Variants in RYR3 observed in about 807,000 individuals in gnomAD.
The protein encoded by RYR3 is ryanodine receptor 3.
RYR3 carries 207 observed loss-of-function variants against 584.3 expected under a neutral mutation model. The observed-to-expected ratio is 0.35, with a 90% CI of 0.32 to 0.40. RYR3 has a LOEUF of 0.40. Among genes scored for constraint, RYR3 ranks in the 10% least tolerant of loss-of-function variants. The pLI is 1.00. For missense variants in RYR3, 5,616 were observed against 6,089.2 expected (o/e 0.92, Z 2.59); for synonymous variants, 2,416 against 2,248.5 (o/e 1.07, Z -2.11).
At chr15:33,787,657 T>C (rs1042261912) in intron 66 of RYR3, among the ~76,000 whole-genome samples, 4 of 152,216 alleles carry the variant, frequency 2.6e-5, no homozygotes, top group South Asian at 2.1e-4. Context: ...ACCAGACTTA[T>C]ATCCCTCCCT....
At chr15:33,848,522 CTT>C (rs2078871700) in intron 94 of RYR3, 101 bp downstream of exon 94, 2 of 1,375,488 alleles carry the variant, frequency 1.5e-6, no homozygotes, top group Non-Finnish European at 2.0e-6. Flanking sequence ...TATAAACTGT[CTT>C]TTGATTTCTA....
At chr15:33,474,656 A>G (rs113316955) in intron 2 of RYR3, among the ~76,000 whole-genome samples, 5 of 152,246 alleles carry the variant, frequency 3.3e-5, no homozygotes, top group African/African-American at 1.2e-4. Context: ...CCACCATCAC[A>G]CCCTCTAAGC....
intron 74 of RYR3, among the ~76,000 whole-genome samples, chr15:33,814,931 G>A (rs1445400919): frequency 6.8e-6 from 1 of 147,534 alleles, no homozygotes; most frequent in African/African-American, 2.5e-5. Flanking sequence ...TCAGCCAGGT[G>A]TGGTGGCAGG....
At chr15:33,405,959 A>T (rs1421500652) in intron 1 of RYR3, among the ~76,000 whole-genome samples, 1 of 152,080 alleles carries the variant, frequency 6.6e-6, no homozygotes, top group African/African-American at 2.4e-5. Flanking sequence ...AGAATGTGTC[A>T]CTCCCTTCTC....
Position 33,429,140 on chromosome 15 carries a change from A to G in RYR3, c.52-44279A>G, listed in dbSNP as rs577949583. Among the ~76,000 whole-genome samples, 9 of 152,284 alleles carry G rather than the reference A, an allele frequency of 5.9e-5. No homozygotes were observed. The East Asian group carries it at 1.7e-3, about 29-fold the overall frequency. Reference sequence around the variant, plus strand: ...ATACTCCCTTAGAATAATCGTGGAAACATGATGCAGGAGGCCTGGGAGGGA... The same window carrying G: ...ATACTCCCTTAGAATAATCGTGGAAGCATGATGCAGGAGGCCTGGGAGGGA... On this transcript the variant is annotated intron_variant, in intron 1 of 103. Transcript: ENST00000634891.
intron 48 of RYR3, among the ~76,000 whole-genome samples, chr15:33,732,197 C>T (rs909084527): frequency 7.3e-5 from 11 of 150,328 alleles, no homozygotes; most frequent in African/African-American, 1.2e-4. Context: ...CTGGCTAACA[C>T]GGTGAAACCC....
At chr15:33,404,919 A>G (rs2042923837) in intron 1 of RYR3, among the ~76,000 whole-genome samples, 2 of 152,160 alleles carry the variant, frequency 1.3e-5, no homozygotes, top group South Asian at 4.1e-4. Context: ...TGAAAAGAGC[A>G]TGTATCCTCC....
Position 33,636,464 on chromosome 15 carries a change from C to T in RYR3, c.3470C>T (p.Ala1157Val), listed in dbSNP as rs760443936. ...GGATGTATGATTAACCTGGATGATG[C>T]TTCAATGATCTTCACACTGAATGGG... Reference protein sequence around the residue: ...VVGCMINLDDASMIFTLNGEL... With the variant: ...VVGCMINLDDVSMIFTLNGEL... Residue 1157 changes from alanine (A) to valine (V), a missense_variant, in exon 27 of 104, where the codon GCT (alanine) becomes GTT (valine). Physicochemically the swap from Ala to Val is moderately conservative, Grantham distance 64. Coordinates refer to ENST00000634891, the MANE Select transcript of RYR3 (RefSeq NM_001036.6). 1.2e-6 allele frequency: 2 copies of T among 1,613,566 alleles called. No homozygotes were observed. Among genetic ancestry groups the T allele is most frequent in the East Asian group, 2.2e-5 (1 of 44,860 alleles).
chr15:33,843,405 C>A, intron 91 of RYR3, 83 bp from the exon 92 acceptor site: 2 of 917,494 alleles, frequency 2.2e-6, no homozygotes, highest in Non-Finnish European at 1.7e-6. Context: ...AACTTCTAAC[C>A]AGAACTGACC....
chr15:33,347,801 C>G (rs1335920101), intron 1 of RYR3, among the ~76,000 whole-genome samples: 1 of 152,094 alleles, frequency 6.6e-6, no homozygotes, highest in Non-Finnish European at 1.5e-5. Flanking sequence ...TACTTTCTGA[C>G]ACTAGAAGGT....
At chr15:33,618,873 C>G (rs776962863) in intron 19 of RYR3, among the ~76,000 whole-genome samples, 1 of 152,150 alleles carries the variant, frequency 6.6e-6, no homozygotes, top group Non-Finnish European at 1.5e-5. Context: ...GTCAATCTTT[C>G]AAATCTGGGA....
chr15:33,697,712 A>G (rs1661415944), intron 39 of RYR3, among the ~76,000 whole-genome samples, 170 bp from the exon 40 acceptor site: 1 of 152,244 alleles, frequency 6.6e-6, no homozygotes, highest in Non-Finnish European at 1.5e-5. Flanking sequence ...TCAGTCAGCT[A>G]AAATGGCCCT....
At chr15:33,473,573 C>T (rs2049122294) in intron 2 of RYR3, 35 bp downstream of exon 2, 2 of 1,609,366 alleles carry the variant, frequency 1.2e-6, no homozygotes, top group Non-Finnish European at 1.7e-6. Context: ...CCTTCTTCCA[C>T]CTTGGCGTCT....
At chr15:33,708,941 G>T (rs12913815) in intron 43 of RYR3, among the ~76,000 whole-genome samples, 13,126 of 152,166 alleles carry the variant, frequency 0.086, 668 homozygotes, top group Admixed American at 0.11. Flanking sequence ...TGAGTGCTTC[G>T]GCGGGAGTCA....
intron 67 of RYR3, among the ~76,000 whole-genome samples, chr15:33,796,389 C>T (rs2152925916): frequency 6.6e-6 from 1 of 152,324 alleles, no homozygotes; most frequent in African/African-American, 2.4e-5. Flanking sequence ...CCACCTTGGC[C>T]TCCCAAAGTG....
intron 1 of RYR3, among the ~76,000 whole-genome samples, chr15:33,394,731 T>C (rs16970530): frequency 0.11 from 17,032 of 152,238 alleles, 1,105 homozygotes; most frequent in South Asian, 0.28. Context: ...TCTCTGGGGC[T>C]TTTACCAACC....
Position 33,506,975 on chromosome 15 carries a change from A to G in RYR3, c.279+3237A>G, listed in dbSNP as rs10220714. Among the ~76,000 whole-genome samples the G allele has an allele frequency of 3.6e-3, 552 of 152,300 alleles. 2 individuals are homozygous for G. The highest frequency in any genetic ancestry group is 0.012 in the African/African-American group (505 of 41,566). ...TTGAGTGGGATGGAGCATTCTTTGCATGCCACTCCATTCTGTTTGGAAATA... is the reference window on the plus strand; with the variant it reads ...TTGAGTGGGATGGAGCATTCTTTGCGTGCCACTCCATTCTGTTTGGAAATA... On this transcript the variant is annotated intron_variant, in intron 3 of 103. Coordinates refer to ENST00000634891, the MANE Select transcript of RYR3 (RefSeq NM_001036.6).
rs2077428289 is a variant in RYR3 at position 33,827,295 on chromosome 15, G to A, written c.11334+8G>A. 6.4e-7 allele frequency: 1 copy of A among 1,551,560 alleles called. No individual in the cohort carries two copies. Among genetic ancestry groups the A allele is most frequent in the Non-Finnish European group, 8.7e-7 (1 of 1,146,738 alleles). ...TACCTTCTGCGTCTGCAGGTGAGTG[G>A]GAGGGCCTTGGACAATGGGACCTCT... On this transcript the variant is annotated splice_region_variant and intron_variant, in intron 85 of 103. Coordinates refer to ENST00000634891, the MANE Select transcript of RYR3 (RefSeq NM_001036.6).
intron 103 of RYR3, 38 bp downstream of exon 103, chr15:33,864,227 C>T (rs758758994): frequency 1.6e-5 from 25 of 1,534,594 alleles, no homozygotes; most frequent in Non-Finnish European, 2.1e-5. Context: ...GTTAGATCTC[C>T]CTTTCCTAAA....
Sources: gnomAD v4.1 joint callset for allele counts (sites outside exome capture counted in the v4.1 genomes callset) on GRCh38, gnomAD v4.1.1 for gene constraint, MANE v1.5 for transcripts, NCBI Gene and HGNC (gene_info 2026-07-23, HGNC 2026-07-21) for gene names.